NCALD: variants seen among roughly 807,000 people sequenced by gnomAD.
NCALD encodes neurocalcin-delta.
A neutral mutation model predicts 18.6 loss-of-function variants in NCALD; 10 were observed. That is an observed-to-expected ratio of 0.54 (90% confidence interval 0.33 to 0.91). NCALD has a LOEUF of 0.91. Ranked by LOEUF, NCALD falls within the 40% of genes least tolerant of loss-of-function variation. The pLI is 0.03. For synonymous variants in NCALD, 88 were observed against 87.4 expected (o/e 1.01, Z -0.04); for missense variants, 184 against 247.6 (o/e 0.74, Z 1.72).
intron 2 of NCALD, among the ~76,000 whole-genome samples, chr8:102,016,064 C>G (rs767755431): frequency 6.6e-6 from 1 of 152,040 alleles, no homozygotes; most frequent in Non-Finnish European, 1.5e-5. Context: ...GGTAGAGAAC[C>G]AAAACATCTT....
chr8:101,780,566 G>C (rs1427484592), intron 1 of NCALD, among the ~76,000 whole-genome samples: 1 of 152,132 alleles, frequency 6.6e-6, no homozygotes, highest in Non-Finnish European at 1.5e-5. Flanking sequence ...GGGCTGATGG[G>C]GAGGGGTGAA....
chr8:101,928,176 C>A (rs1001449281), intron 2 of NCALD, among the ~76,000 whole-genome samples: 1 of 152,042 alleles, frequency 6.6e-6, no homozygotes, highest in Admixed American at 6.6e-5. Context: ...TCTCAATGAT[C>A]GCGCGATGTA....
chr8:101,775,838 C>T (rs1301964541), intron 1 of NCALD, among the ~76,000 whole-genome samples: 2 of 152,132 alleles, frequency 1.3e-5, no homozygotes, highest in African/African-American at 2.4e-5. Flanking sequence ...CTTAGCATTC[C>T]AAGACCTCAC....
At chr8:102,019,158 A>C (rs1418951202) in intron 2 of NCALD, among the ~76,000 whole-genome samples, 1 of 152,110 alleles carries the variant, frequency 6.6e-6, no homozygotes, top group Admixed American at 6.6e-5. Flanking sequence ...TTAATATATG[A>C]AATGGTGCCC....
rs1023532803 is a variant in NCALD at position 101,768,158 on chromosome 8, G to A, written c.-20+22704C>T. 3.3e-5 allele frequency among the ~76,000 whole-genome samples: 5 copies of A among 152,252 alleles called. No individual in the cohort carries two copies. In the East Asian group the frequency reaches 9.6e-4, roughly 29 times the overall value. On this transcript the variant is annotated intron_variant, in intron 1 of 3. Transcript: ENST00000220931. ...TTACCTATAAACTCTACCACAATCAGCTTTTGATTCTGAGTGGTGAGCTAT... is the reference window on the plus strand; with the variant it reads ...TTACCTATAAACTCTACCACAATCAACTTTTGATTCTGAGTGGTGAGCTAT...
At chr8:102,046,710 C>G (rs1348033875) in intron 1 of NCALD, among the ~76,000 whole-genome samples, 3 of 151,396 alleles carry the variant, frequency 2.0e-5, no homozygotes, top group African/African-American at 7.3e-5. Context: ...TGCCATCCAT[C>G]TCAAGCAATC....
At chr8:101,728,861 A>G (rs1291972786) in intron 1 of NCALD, among the ~76,000 whole-genome samples, 1 of 152,172 alleles carries the variant, frequency 6.6e-6, no homozygotes, top group African/African-American at 2.4e-5. Context: ...AGCACGCAAA[A>G]AAAGTTTGCC....
chr8:101,791,343 CTCTT>C (rs1277352328), upstream of NCALD, among the ~76,000 whole-genome samples: 2 of 152,146 alleles, frequency 1.3e-5, no homozygotes, highest in South Asian at 4.1e-4. Context: ...CTCTCTCTCT[CTCTT>C]TCTCTATAAC....
In NCALD at chr8:101,851,802, T is replaced by G. The variant is rs137872726; in HGVS notation, c.-20+35339A>C. Among the ~76,000 whole-genome samples the G allele has an allele frequency of 5.9e-4, 90 of 152,326 alleles. No homozygotes were observed. The Middle Eastern group carries it at 0.014, about 23-fold the overall frequency. On this transcript the variant is annotated intron_variant, in intron 4 of 6. Coordinates refer to the NCALD transcript ENST00000311028. ...CAGCTCCATGAAGCTGGGGTATTGA[T>G]TTTATTGTACGGTACTATGGTCTCA...
Position 101,875,531 on chromosome 8 carries a change from A to G in NCALD, c.-20+11610T>C, listed in dbSNP as rs144950339. On this transcript the variant is annotated intron_variant, in intron 4 of 6. Coordinates refer to the NCALD transcript ENST00000311028. ...TCTCGATGGTTTTTGCTAGATTTCC[A>G]TGACCATTGTGGTCTGTCTCTCTTT... Among the ~76,000 whole-genome samples, 318 of 152,238 alleles carry G rather than the reference A, an allele frequency of 2.1e-3. No individual in the cohort carries two copies. In the Middle Eastern group the frequency reaches 0.024, roughly 11 times the overall value.
chr8:101,917,976 C>T (rs1354781566), intron 2 of NCALD, among the ~76,000 whole-genome samples: 4 of 152,018 alleles, frequency 2.6e-5, no homozygotes, highest in Non-Finnish European at 5.9e-5. Context: ...CTAACTCATT[C>T]TACAAAGCCA....
chr8:101,933,166 T>C (rs1563910509), intron 2 of NCALD, among the ~76,000 whole-genome samples: 2 of 152,208 alleles, frequency 1.3e-5, no homozygotes, highest in Non-Finnish European at 2.9e-5. Flanking sequence ...CTTTCAAATA[T>C]GTCCATGTCC....
At chr8:101,963,996 C>T (rs1403318762) in intron 2 of NCALD, among the ~76,000 whole-genome samples, 1 of 152,144 alleles carries the variant, frequency 6.6e-6, no homozygotes, top group East Asian at 1.9e-4. Flanking sequence ...GGCAGTACAT[C>T]CTATTATTTT....
intron 2 of NCALD, among the ~76,000 whole-genome samples, chr8:101,991,905 G>T (rs1368221686): frequency 6.6e-6 from 1 of 152,166 alleles, no homozygotes; most frequent in African/African-American, 2.4e-5. Flanking sequence ...CCCTCAGAAA[G>T]GTGTCTCACT....
chr8:101,700,026 A>ATTTT (rs1442266811), intron 2 of NCALD, among the ~76,000 whole-genome samples: 2 of 142,664 alleles, frequency 1.4e-5, no homozygotes, highest in East Asian at 2.2e-4. Context: ...TATGCTCTCT[A>ATTTT]TTTTTATTTA....
chr8:101,954,908 T>C (rs1402932520), intron 2 of NCALD, among the ~76,000 whole-genome samples: 2 of 152,206 alleles, frequency 1.3e-5, no homozygotes, highest in African/African-American at 4.8e-5. Context: ...AGATGATCTA[T>C]GGCTTCCCCC....
chr8:101,772,510 C>T (rs1811625562), intron 1 of NCALD, among the ~76,000 whole-genome samples: 2 of 152,188 alleles, frequency 1.3e-5, no homozygotes, highest in Non-Finnish European at 2.9e-5. Context: ...AAACAACTCT[C>T]TACCTGTTCT....
intron 4 of NCALD, among the ~76,000 whole-genome samples, chr8:101,822,856 CT>C (rs1813777369): frequency 6.6e-6 from 1 of 152,230 alleles, no homozygotes; most frequent in South Asian, 2.1e-4. Flanking sequence ...AACACTCCCT[CT>C]TTTTTGTTCC....
intron 4 of NCALD, among the ~76,000 whole-genome samples, chr8:101,830,025 A>T: frequency 7.2e-6 from 1 of 139,502 alleles, no homozygotes. Context: ...GCTGCTAAAT[A>T]TTTATCAATA....
Sources: allele counts gnomAD v4.1 joint callset (sites outside exome capture counted in the v4.1 genomes callset), GRCh38; gene constraint gnomAD v4.1.1; transcripts MANE v1.5; gene names NCBI Gene and HGNC (gene_info 2026-07-23, HGNC 2026-07-21).